ZNF446: variants seen among roughly 807,000 people sequenced by gnomAD.
ZNF446 encodes the protein zinc finger protein with KRAB and SCAN domains 20.
Under a neutral mutation model 34.0 loss-of-function variants are expected in ZNF446, and 42 were observed. The observed-to-expected ratio is 1.23, with a 90% CI of 0.96 to 1.60. The LOEUF (loss-of-function observed/expected upper bound fraction) is 1.60, where lower values mean the gene tolerates loss of function less well. Ranked by LOEUF, ZNF446 falls within the 40% of genes most tolerant of loss-of-function variation. The pLI is 0.00. For synonymous variants in ZNF446, 315 were observed against 251.0 expected (o/e 1.25, Z -2.41); for missense variants, 650 against 600.2 (o/e 1.08, Z -0.87).
At chr19:58,477,067 C>T (rs994710560) in intron 1 of ZNF446, 112 bp from the exon 2 acceptor site, 5 of 674,782 alleles carry the variant, frequency 7.4e-6, no homozygotes, top group Non-Finnish European at 1.3e-5. Flanking sequence ...CTTATCTCTT[C>T]TGGCCTCAGA....
intron 4 of ZNF446, 136 bp from the exon 5 acceptor site, chr19:58,479,507 T>G: frequency 5.5e-5 from 48 of 875,006 alleles, no homozygotes; most frequent in Non-Finnish European, 7.2e-5. Flanking sequence ...ACACACACCT[T>G]GAGATCATTC....
chr19:58,488,861 AAAAC>A, the ZNF446 span, among the ~76,000 whole-genome samples: 712 of 148,904 alleles, frequency 4.8e-3, 13 homozygotes, highest in African/African-American at 0.018. Flanking sequence ...AAAAAAAAAA[AAAAC>A]AAAAAAATAC....
downstream of ZNF446, among the ~76,000 whole-genome samples, chr19:58,484,872 A>C (rs1305140726): frequency 6.6e-6 from 1 of 151,988 alleles, no homozygotes; most frequent in Non-Finnish European, 1.5e-5. Context: ...AGCTTGGGCA[A>C]CATGGTGAAA....
At chr19:58,487,602 A>T in the ZNF446 span, among the ~76,000 whole-genome samples, 2 of 152,112 alleles carry the variant, frequency 1.3e-5, no homozygotes, top group African/African-American at 2.4e-5. Flanking sequence ...TGAGGTCAGG[A>T]GTTCAAGACC....
rs1568616349 is a variant in ZNF446 at position 58,477,196 on chromosome 19, C to CA, written c.-21dup. 6.6e-7 allele frequency: 1 copy of CA among 1,525,724 alleles called. No individual in the cohort carries two copies. Among genetic ancestry groups the CA allele is most frequent in the Non-Finnish European group, 8.8e-7 (1 of 1,138,672 alleles). The allele number at this position is 1,525,724 out of a possible 1,614,324, so 94.5% of individuals were successfully genotyped here. A position where few individuals can be genotyped will look rare whatever the true frequency, so the allele number is the denominator to read the frequency against. Reference sequence around the variant, plus strand: ...TTCTGTAGGCCCATCTTGACGATTCCAAGACCACCCCCTTGAGCAAGAATG... The same window carrying CA: ...TTCTGTAGGCCCATCTTGACGATTCCAAAGACCACCCCCTTGAGCAAGAATG... On this transcript the variant is annotated 5_prime_UTR_variant, in exon 2 of 7. Transcript: ENST00000594369.
In ZNF446 at chr19:58,479,913, G is replaced by T. The variant is rs1568618026; in HGVS notation, c.713-17G>T. The T allele has an allele frequency of 1.3e-6, 2 of 1,553,574 alleles. No homozygotes were observed. Among genetic ancestry groups the T allele is most frequent in the African/African-American group, 2.7e-5 (2 of 73,578 alleles). ...TCATGCAAACCCCATGCCTAACTGT[G>T]CCCCCCACCCGGGCAGGGTTACCGC... is the stretch of plus-strand genomic sequence containing the variant. On this transcript the variant is annotated splice_polypyrimidine_tract_variant and intron_variant, in intron 5 of 6. Coordinates refer to ENST00000594369, the MANE Select transcript of ZNF446 (RefSeq NM_017908.4).
intron 4 of ZNF446, among the ~76,000 whole-genome samples, chr19:58,478,536 C>T (rs1021565428): frequency 2.6e-5 from 4 of 151,914 alleles, no homozygotes; most frequent in Admixed American, 6.6e-5. Flanking sequence ...TGGTGGCAGG[C>T]GCCTGTAATC....
downstream of ZNF446, among the ~76,000 whole-genome samples, chr19:58,481,995 C>T (rs986053156): frequency 2.0e-5 from 3 of 152,108 alleles, no homozygotes; most frequent in African/African-American, 4.8e-5. Flanking sequence ...GGGGTTTCAC[C>T]GTGTTAGCCA....
In ZNF446 at chr19:58,479,698, T is replaced by C; in HGVS notation, c.683T>C (p.Leu228Pro). The C allele has an allele frequency of 6.2e-7, 1 of 1,613,662 alleles. No individual in the cohort carries two copies. The highest frequency in any genetic ancestry group is 8.5e-7 in the Non-Finnish European group (1 of 1,179,902). The change falls in exon 5 of 7, where the codon CTG becomes CCG. Residue 228 changes from leucine to proline, a missense_variant. Physicochemically the swap from Leu to Pro is moderately conservative, Grantham distance 98. Coordinates refer to ENST00000594369, the MANE Select transcript of ZNF446 (RefSeq NM_017908.4). Reference sequence around the variant, plus strand: ...AAGGAACTGTACTGGGATGCGATGCTGGAGAAGTACGGCACAGTGGTCTCC... The same window carrying C: ...AAGGAACTGTACTGGGATGCGATGCCGGAGAAGTACGGCACAGTGGTCTCC... ...SQKELYWDAMLEKYGTVVSLG... is the reference protein window; with the variant it reads ...SQKELYWDAMPEKYGTVVSLG...
In ZNF446 at chr19:58,477,985, G is replaced by A. The variant is rs763903992; in HGVS notation, c.533-102G>A. ...TGGGGACCTGGGAGGCAGGAGCCAA[G>A]GGCTGGCTACGTGCCATGTCACACA... On this transcript the variant is annotated intron_variant, in intron 3 of 6. Transcript: ENST00000594369. The A allele has an allele frequency of 1.3e-4, 182 of 1,353,430 alleles. 1 individual carries two copies. The highest frequency in any genetic ancestry group is 1.7e-4 in the Non-Finnish European group (164 of 990,166). The allele number at this position is 1,353,430 out of a possible 1,614,324, so 83.8% of individuals were successfully genotyped here.
Position 58,481,091 on chromosome 19 carries a change from T to G in ZNF446, c.*365T>G. On this transcript the variant is annotated 3_prime_UTR_variant, in exon 7 of 7. Transcript: ENST00000594369. ...CAGGTGGGTGTTCAAAAACTGTGCC[T>G]TCCCACTCGTCTGTGCAGAGGCTGG... 1 of 271,362 alleles carries G rather than the reference T, an allele frequency of 3.7e-6. No individual in the cohort carries two copies. Among genetic ancestry groups the G allele is most frequent in the African/African-American group, 2.1e-5 (1 of 46,776 alleles). The allele number at this position is 271,362 out of a possible 1,614,324, so 16.8% of individuals were successfully genotyped here.
At chr19:58,488,836 G>A in the ZNF446 span, among the ~76,000 whole-genome samples, 2 of 119,190 alleles carry the variant, frequency 1.7e-5, no homozygotes, top group African/African-American at 7.2e-5. Flanking sequence ...GGGTGACAGA[G>A]CAAGACTCCG....
At chr19:58,488,863 A>AAT in the ZNF446 span, among the ~76,000 whole-genome samples, 23 of 147,310 alleles carry the variant, frequency 1.6e-4, 1 homozygote, top group Non-Finnish European at 2.7e-4. Flanking sequence ...AAAAAAAAAA[A>AAT]ACAAAAAAAT....
In ZNF446 at chr19:58,479,985, C is replaced by G. The variant is rs757107947; in HGVS notation, c.768C>G (p.Leu256=). ...AQAQSELGML[L]TGTGVCRSLR... is the part of the protein sequence containing the mutation. Reference sequence around the variant, plus strand: ...CCCAGTCAGAGCTGGGGATGCTGCTCACGGGGACAGGCGTCTGCAGAAGCC... The same window carrying G: ...CCCAGTCAGAGCTGGGGATGCTGCTGACGGGGACAGGCGTCTGCAGAAGCC... The change falls in exon 6 of 7, where the codon CTC becomes CTG. Residue 256 remains leucine (L), a synonymous_variant. Coordinates refer to ENST00000594369, the MANE Select transcript of ZNF446 (RefSeq NM_017908.4). 6.3e-7 allele frequency: 1 copy of G among 1,591,346 alleles called. No individual in the cohort carries two copies. The highest frequency in any genetic ancestry group is 1.1e-5 in the South Asian group (1 of 87,752).
chr19:58,484,535 T>G (rs1226562043), downstream of ZNF446, among the ~76,000 whole-genome samples: 2 of 151,328 alleles, frequency 1.3e-5, no homozygotes, highest in African/African-American at 4.9e-5. Context: ...AATTGTTCTG[T>G]AGCTCATGGC....
In ZNF446 at chr19:58,480,528, C is replaced by A; in HGVS notation, c.1155C>A (p.Pro385=). ...PQGEVAFPHH[P]RRSLTGPRSY... is the part of the protein sequence containing the mutation. ...GGGAGGTGGCCTTTCCGCACCACCC[C>A]CGACGCTCACTCACAGGCCCCCGGA... is the stretch of plus-strand genomic sequence containing the variant. The change falls in exon 7 of 7, where the codon CCC becomes CCA. Residue 385 remains proline, a synonymous_variant. Transcript: ENST00000594369. The surrounding 1 kb of genome is among the most constrained non-coding windows in gnomAD (Gnocchi z 7.2). 1 of 1,612,686 alleles carries A rather than the reference C, an allele frequency of 6.2e-7. No homozygotes were observed. The highest frequency in any genetic ancestry group is 1.6e-4 in the Middle Eastern group (1 of 6,062).
At chr19:58,479,454 G>T in intron 4 of ZNF446, 189 bp from the exon 5 acceptor site, 11 of 615,558 alleles carry the variant, frequency 1.8e-5, no homozygotes, top group South Asian at 5.8e-5. Flanking sequence ...GCTGGCAGCA[G>T]CACTGGTCAG....
downstream of ZNF446, among the ~76,000 whole-genome samples, chr19:58,484,045 A>G (rs1422305089): frequency 6.6e-6 from 1 of 152,146 alleles, no homozygotes; most frequent in Non-Finnish European, 1.5e-5. Flanking sequence ...GGTGAGTTAC[A>G]GGGAACATGA....
the ZNF446 span, among the ~76,000 whole-genome samples, chr19:58,488,862 A>C: frequency 6.8e-6 from 1 of 147,526 alleles, no homozygotes; most frequent in South Asian, 2.1e-4. Flanking sequence ...AAAAAAAAAA[A>C]AACAAAAAAA....
Sources: gnomAD v4.1 joint callset for allele counts (sites outside exome capture counted in the v4.1 genomes callset) on GRCh38, gnomAD v4.1.1 for gene constraint, Gnocchi (gnomAD v3.1) non-coding constraint, MANE v1.5 for transcripts, NCBI Gene and HGNC (gene_info 2026-07-23, HGNC 2026-07-21) for gene names.